Variants in SV2B observed in about 807,000 individuals in gnomAD.
The protein encoded by SV2B is solute carrier family 22 member B2.
Under a neutral mutation model 73.9 loss-of-function variants are expected in SV2B, and 41 were observed. That is an observed-to-expected ratio of 0.56 (90% CI 0.43 to 0.72). The LOEUF is 0.72. Among genes scored for constraint, SV2B ranks in the 30% least tolerant of loss-of-function variants. SV2B has a pLI of 0.00. For missense variants in SV2B, 764 were observed against 857.8 expected (o/e 0.89, Z 1.37); for synonymous variants, 314 against 314.2 (o/e 1.00, Z 0.01).
rs1370555328 is a variant in SV2B at position 91,241,479 on chromosome 15, C to T, written c.452-10340C>T. 2.6e-5 allele frequency among the ~76,000 whole-genome samples: 4 copies of T among 152,168 alleles called. No homozygotes were observed. Among genetic ancestry groups the T allele is most frequent in the Non-Finnish European group, 5.9e-5 (4 of 68,038 alleles). On this transcript the variant is annotated intron_variant, in intron 2 of 12. Transcript: ENST00000394232. This position sits in a 1 kb window ranked among gnomAD's most constrained non-coding sequence, Gnocchi z 4.8. ...GCCAGCCATCATCCTTCATTTCCCT[C>T]ATCCCTTCACACTCTCCTTGATGGT... is the stretch of plus-strand genomic sequence containing the variant.
At position 91,124,305 on chromosome 15, in the gene SV2B, T is replaced by G. The variant is rs2042417228; in HGVS notation, c.-392+23942T>G. ...TTTGTGTCTGTGGTGCCAGTGGTGTTTCCTTCTGTGAGGCACGACTTCCCA... is the reference window on the plus strand; with the variant it reads ...TTTGTGTCTGTGGTGCCAGTGGTGTGTCCTTCTGTGAGGCACGACTTCCCA... On this transcript the variant is annotated intron_variant, in intron 1 of 12. Transcript: ENST00000394232. The surrounding 1 kb of genome is among the most constrained non-coding windows in gnomAD (Gnocchi z 4.6). 6.6e-6 allele frequency among the ~76,000 whole-genome samples: 1 copy of G among 152,204 alleles called. No individual in the cohort carries two copies. Among genetic ancestry groups the G allele is most frequent in the Non-Finnish European group, 1.5e-5 (1 of 68,046 alleles).
chr15:91,137,664 C>CAT lies in SV2B; in HGVS notation c.-392+37306_-392+37307dup, dbSNP rs369011515. On this transcript the variant is annotated intron_variant, in intron 1 of 12. Coordinates refer to ENST00000394232, the MANE Select transcript of SV2B (RefSeq NM_001323032.3). This position sits in a 1 kb window ranked among gnomAD's most constrained non-coding sequence, Gnocchi z 4.9. Reference sequence around the variant, plus strand: ...TATATACATATATATTTCATATATACATATATTTCATATATATATACACAC... The same window carrying CAT: ...TATATACATATATATTTCATATATACATATATATTTCATATATATATACACAC... Among the ~76,000 whole-genome samples the CAT allele has an allele frequency of 6.7e-3, 598 of 89,290 alleles. 3 individuals carry two copies. Among genetic ancestry groups the CAT allele is most frequent in the Non-Finnish European group, 7.4e-3 (302 of 40,946 alleles). 58.6% of individuals were successfully genotyped at this position (89,290 alleles called of 152,430 possible).
In SV2B at chr15:91,231,765, T is replaced by G. The variant is rs2046583564; in HGVS notation, c.451+5051T>G. ...GTTTTCATTTCTTGGAAGGATCCAG[T>G]GACTTGTGTATTTTATTGGCTGTTA... is the stretch of plus-strand genomic sequence containing the variant. On this transcript the variant is annotated intron_variant, in intron 2 of 12. Coordinates refer to ENST00000394232, the MANE Select transcript of SV2B (RefSeq NM_001323032.3). This position sits in a 1 kb window ranked among gnomAD's most constrained non-coding sequence, Gnocchi z 4.5. Among the ~76,000 whole-genome samples the G allele has an allele frequency of 6.6e-6, 1 of 152,170 alleles. No individual in the cohort carries two copies. Among genetic ancestry groups the G allele is most frequent in the African/African-American group, 2.4e-5 (1 of 41,434 alleles).
intron 1 of SV2B, among the ~76,000 whole-genome samples, chr15:91,196,582 C>T (rs1042289269): frequency 6.6e-6 from 1 of 152,002 alleles, no homozygotes; most frequent in African/African-American, 2.4e-5. Flanking sequence ...TGGAAGGGCC[C>T]TTGACGCCAT....
rs368491772 is a variant in SV2B, at chr15:91,143,825, G to A, written c.-392+43462G>A. Among the ~76,000 whole-genome samples, 31 of 152,270 alleles carry A rather than the reference G, an allele frequency of 2.0e-4. No homozygotes were observed. In the East Asian group the frequency reaches 3.9e-3, roughly 19 times the overall value. ...AATTGGTCAGATTTGCTTCAGCCTC[G>A]AAGAGCATGTTAATGCAAAATTAAA... On this transcript the variant is annotated intron_variant, in intron 1 of 12. Coordinates refer to ENST00000394232, the MANE Select transcript of SV2B (RefSeq NM_001323032.3).
chr15:91,124,954 C>T lies in SV2B; in HGVS notation c.-392+24591C>T, dbSNP rs2042433973. ...CAGGTGTGAGCCACTGCGCCCAGCC[C>T]AGAAATTTATTTCTGGTGGTTTTGA... is the stretch of plus-strand genomic sequence containing the variant. On this transcript the variant is annotated intron_variant, in intron 1 of 12. Coordinates refer to ENST00000394232, the MANE Select transcript of SV2B (RefSeq NM_001323032.3). The surrounding 1 kb of genome is among the most constrained non-coding windows in gnomAD (Gnocchi z 4.6). 6.6e-6 allele frequency among the ~76,000 whole-genome samples: 1 copy of T among 152,112 alleles called. No homozygotes were observed. The highest frequency in any genetic ancestry group is 1.5e-5 in the Non-Finnish European group (1 of 68,010).
Position 91,234,204 on chromosome 15 carries a change from G to A in SV2B, c.451+7490G>A, listed in dbSNP as rs1181163522. On this transcript the variant is annotated intron_variant, in intron 2 of 12. Transcript: ENST00000394232. The surrounding 1 kb of genome is among the most constrained non-coding windows in gnomAD (Gnocchi z 5.6). ...CCTAGGAATATTTGCATGTTAGAGC[G>A]GATTTTTCATTTCAGACTTACTCAC... 4.6e-5 allele frequency among the ~76,000 whole-genome samples: 7 copies of A among 152,170 alleles called. No homozygotes were observed. Among genetic ancestry groups the A allele is most frequent in the South Asian group, 2.1e-4 (1 of 4,838 alleles).
At chr15:91,144,408 A>G (rs55959074) in intron 1 of SV2B, among the ~76,000 whole-genome samples, 20,026 of 147,942 alleles carry the variant, frequency 0.14, 1,816 homozygotes, top group African/African-American at 0.25. Context: ...GGGTTGAAAC[A>G]TTCATGATTT....
chr15:91,164,117 G>A (rs750292328), intron 1 of SV2B, among the ~76,000 whole-genome samples: 2 of 152,080 alleles, frequency 1.3e-5, no homozygotes, highest in African/African-American at 4.8e-5. Context: ...TGTTTCATTG[G>A]TCTATATCTC....
rs968578388 is a variant in SV2B, at chr15:91,123,133, G to A, written c.-392+22770G>A. 6.6e-6 allele frequency among the ~76,000 whole-genome samples: 1 copy of A among 152,170 alleles called. No homozygotes were observed. Among genetic ancestry groups the A allele is most frequent in the Admixed American group, 6.5e-5 (1 of 15,278 alleles). On this transcript the variant is annotated intron_variant, in intron 1 of 12. Coordinates refer to ENST00000394232, the MANE Select transcript of SV2B (RefSeq NM_001323032.3). The surrounding 1 kb of genome is among the most constrained non-coding windows in gnomAD (Gnocchi z 4.7). The stretch of plus-strand genomic sequence containing the variant: ...AAAACAAAGTACAAAAATTAGCTAA[G>A]CATGGTGGTGTGCGCTTGTAGTCTC...
At chr15:91,158,473 A>G (rs955784332) in intron 1 of SV2B, among the ~76,000 whole-genome samples, 1 of 151,794 alleles carries the variant, frequency 6.6e-6, no homozygotes, top group African/African-American at 2.4e-5. Flanking sequence ...GAGGGGAACA[A>G]TCCAGGAAGC....
rs959511805 is a variant in SV2B at position 91,261,106 on chromosome 15, C to CA, written c.1008+704dup. On this transcript the variant is annotated intron_variant, in intron 6 of 12. Coordinates refer to ENST00000394232, the MANE Select transcript of SV2B (RefSeq NM_001323032.3). The surrounding 1 kb of genome is among the most constrained non-coding windows in gnomAD (Gnocchi z 4.7). ...CAAAACCCCATGTCTACTAAAAATA[C>CA]AAAAAAATCAGCTGGGCATGGTGGC... 3.9e-5 allele frequency among the ~76,000 whole-genome samples: 6 copies of CA among 151,934 alleles called. No individual in the cohort carries two copies. Among genetic ancestry groups the CA allele is most frequent in the Non-Finnish European group, 7.4e-5 (5 of 67,966 alleles).
Position 91,276,357 on chromosome 15 carries a change from T to G in SV2B, c.1374-5371T>G, listed in dbSNP as rs112176541. On this transcript the variant is annotated intron_variant, in intron 9 of 12. Coordinates refer to ENST00000394232, the MANE Select transcript of SV2B (RefSeq NM_001323032.3). ...AAGTTTTATGAACTTATGGTTTGAT[T>G]GGTTTCATTACTTTAGGAAAATCCT... 6.8e-4 allele frequency among the ~76,000 whole-genome samples: 104 copies of G among 152,186 alleles called. 2 individuals are homozygous for G. The highest frequency in any genetic ancestry group is 2.2e-3 in the African/African-American group (93 of 41,536).
chr15:91,183,989 G>A (rs80056191), intron 1 of SV2B, among the ~76,000 whole-genome samples: 6,305 of 152,106 alleles, frequency 0.041, 437 homozygotes, highest in African/African-American at 0.14. Context: ...AGTATCATCA[G>A]GAGTTATTTA....
chr15:91,149,745 A>G (rs1397798245), intron 1 of SV2B, among the ~76,000 whole-genome samples: 1 of 152,326 alleles, frequency 6.6e-6, no homozygotes, highest in African/African-American at 2.4e-5. Context: ...GGATTTGCCC[A>G]AGTCATCCAG....
In SV2B at chr15:91,253,209, T is replaced by C. The variant is rs2047558460; in HGVS notation, c.784+689T>C. 6.6e-6 allele frequency among the ~76,000 whole-genome samples: 1 copy of C among 152,344 alleles called. No individual in the cohort carries two copies. The highest frequency in any genetic ancestry group is 1.5e-5 in the Non-Finnish European group (1 of 68,038). ...AGAAGGCAGCAATTTTGACTTTGAT[T>C]CTGCTTTTGGAGTATACTTAGTAAT... is the stretch of plus-strand genomic sequence containing the variant. On this transcript the variant is annotated intron_variant, in intron 4 of 12. Coordinates refer to ENST00000394232, the MANE Select transcript of SV2B (RefSeq NM_001323032.3). The surrounding 1 kb of genome is among the most constrained non-coding windows in gnomAD (Gnocchi z 5.0).
chr15:91,154,748 A>G (rs530311844), intron 1 of SV2B, among the ~76,000 whole-genome samples: 1 of 152,292 alleles, frequency 6.6e-6, no homozygotes, highest in South Asian at 2.1e-4. Context: ...GCTGCAAGGT[A>G]TGGGCTGTCC....
Position 91,220,718 on chromosome 15 carries a change from T to G in SV2B, c.-391-5155T>G, listed in dbSNP as rs868134349. On this transcript the variant is annotated intron_variant, in intron 1 of 12. Coordinates refer to ENST00000394232, the MANE Select transcript of SV2B (RefSeq NM_001323032.3). This position sits in a 1 kb window ranked among gnomAD's most constrained non-coding sequence, Gnocchi z 4.1. Reference sequence around the variant, plus strand: ...GTAACTCAATATTTGTTTGTTTTTCTCTGTATGTGGTTTCCTAGCCCAGCC... The same window carrying G: ...GTAACTCAATATTTGTTTGTTTTTCGCTGTATGTGGTTTCCTAGCCCAGCC... Among the ~76,000 whole-genome samples, 73 of 152,230 alleles carry G rather than the reference T, an allele frequency of 4.8e-4. No individual in the cohort carries two copies. The highest frequency in any genetic ancestry group is 1.7e-3 in the African/African-American group (72 of 41,446).
chr15:91,196,792 A>T (rs1337573419), intron 1 of SV2B, among the ~76,000 whole-genome samples: 1 of 152,236 alleles, frequency 6.6e-6, no homozygotes, highest in Non-Finnish European at 1.5e-5. Context: ...AATTGCAGTA[A>T]AATGAGTGAT....
Sources: allele counts gnomAD v4.1 joint callset (sites outside exome capture counted in the v4.1 genomes callset), GRCh38; gene constraint gnomAD v4.1.1; non-coding constraint Gnocchi (gnomAD v3.1); transcripts MANE v1.5; gene names NCBI Gene and HGNC (gene_info 2026-07-23, HGNC 2026-07-21).